The following KAZN variants were observed in gnomAD, a reference collection of about 807,000 sequenced individuals.
KAZN encodes kazrin.
In KAZN, 40 loss-of-function variants were observed where a neutral mutation model predicts 87.4. The observed-to-expected ratio is 0.46, with a 90% CI of 0.36 to 0.60. The LOEUF is 0.60. Ranked by LOEUF, KAZN falls within the 20% of genes least tolerant of loss-of-function variation. KAZN has a pLI of 0.00. For missense variants in KAZN, 898 were observed against 1,073.9 expected (o/e 0.84, Z 2.29); for synonymous variants, 466 against 458.3 (o/e 1.02, Z -0.22).
intron 1 of KAZN, among the ~76,000 whole-genome samples, chr1:14,032,704 A>G (rs571155455): frequency 6.6e-6 from 1 of 152,254 alleles, no homozygotes; most frequent in South Asian, 2.1e-4. Context: ...TGGACTGTCA[A>G]TGCCTTCAAG....
At chr1:14,641,604 C>T (rs1174414892) in intron 1 of KAZN, among the ~76,000 whole-genome samples, 1 of 152,148 alleles carries the variant, frequency 6.6e-6, no homozygotes, top group African/African-American at 2.4e-5. Context: ...ATGGAAGAGA[C>T]TAGAAGAAGC....
intron 1 of KAZN, among the ~76,000 whole-genome samples, chr1:14,722,951 T>C (rs556718872): frequency 6.6e-4 from 100 of 152,132 alleles, no homozygotes; most frequent in African/African-American, 2.4e-3. Flanking sequence ...TGAGACCTCA[T>C]CTCTACAAAA....
chr1:13,932,257 CA>C (rs1640546195), intron 1 of KAZN, among the ~76,000 whole-genome samples: 1 of 71,206 alleles, frequency 1.4e-5, no homozygotes, highest in African/African-American at 5.3e-5. Context: ...GCTTATTAAA[CA>C]TTTTTTTTTT....
At chr1:14,461,426 G>C (rs1053985321) in intron 2 of KAZN, among the ~76,000 whole-genome samples, 3 of 152,144 alleles carry the variant, frequency 2.0e-5, no homozygotes, top group Admixed American at 1.3e-4. Context: ...CTCTCATTCT[G>C]TCTTGTCTGC....
At chr1:14,004,353 A>C (rs1295960660) in intron 1 of KAZN, among the ~76,000 whole-genome samples, 1 of 152,220 alleles carries the variant, frequency 6.6e-6, no homozygotes, top group Non-Finnish European at 1.5e-5. Context: ...TATAGACATA[A>C]CCATCTGAAA....
At chr1:14,622,790 A>C (rs186658188) in intron 1 of KAZN, among the ~76,000 whole-genome samples, 1 of 152,034 alleles carries the variant, frequency 6.6e-6, no homozygotes, top group African/African-American at 2.4e-5. Flanking sequence ...CTTCATTCTG[A>C]TTCTTTTATT....
chr1:14,113,881 G>A (rs1326327917), intron 1 of KAZN, among the ~76,000 whole-genome samples: 1 of 152,220 alleles, frequency 6.6e-6, no homozygotes, highest in African/African-American at 2.4e-5. Context: ...GACGCCAGTG[G>A]GGCATCTACT....
chr1:14,489,210 A>G (rs1200668047), intron 2 of KAZN, among the ~76,000 whole-genome samples: 1 of 152,224 alleles, frequency 6.6e-6, no homozygotes, highest in Non-Finnish European at 1.5e-5. Flanking sequence ...TATGACAAAA[A>G]TAATAACTAA....
At chr1:14,741,664 G>C (rs1450950875) in intron 1 of KAZN, among the ~76,000 whole-genome samples, 2 of 152,140 alleles carry the variant, frequency 1.3e-5, no homozygotes, top group African/African-American at 4.8e-5. Flanking sequence ...AGGGAGAAGG[G>C]GCACTTCCCC....
intron 10 of KAZN, among the ~76,000 whole-genome samples, chr1:15,098,837 G>A (rs1573300705): frequency 6.6e-6 from 1 of 152,214 alleles, no homozygotes; most frequent in Admixed American, 6.5e-5. Context: ...CCACACATTC[G>A]ACTATGAGAC....
At chr1:14,628,842 CTTTTTTTTT>C (rs67908811) in intron 1 of KAZN, among the ~76,000 whole-genome samples, 2 of 126,838 alleles carry the variant, frequency 1.6e-5, no homozygotes, top group African/African-American at 3.0e-5. Context: ...CTTTCACATT[CTTTTTTTTT>C]TTTTTTTTTT....
intron 1 of KAZN, among the ~76,000 whole-genome samples, chr1:14,932,253 G>T (rs143126440): frequency 1.5e-4 from 22 of 143,226 alleles, no homozygotes; most frequent in African/African-American, 5.5e-4. Context: ...CACCCTCCCC[G>T]CCCCGTCCCC....
At chr1:13,895,478 G>A (rs1639002565) in intron 1 of KAZN, among the ~76,000 whole-genome samples, 1 of 152,032 alleles carries the variant, frequency 6.6e-6, no homozygotes. Context: ...CATCCTTTAT[G>A]TCAAGAGAGC....
At chr1:14,472,437 C>T (rs541156927) in intron 2 of KAZN, among the ~76,000 whole-genome samples, 1 of 152,126 alleles carries the variant, frequency 6.6e-6, no homozygotes, top group African/African-American at 2.4e-5. Flanking sequence ...CATCTTATGA[C>T]AATGCCATAT....
chr1:14,101,039 A>G (rs1321381039), intron 1 of KAZN, among the ~76,000 whole-genome samples: 3 of 152,288 alleles, frequency 2.0e-5, no homozygotes, highest in Middle Eastern at 6.8e-3. Flanking sequence ...GCCACATGGA[A>G]CTGTGAGTTC....
chr1:14,064,802 G>A lies in KAZN; in HGVS notation c.92-115633G>A, dbSNP rs558147737. ...CTGTGCTTCTCCCTCCCCGCTGCTC[G>A]GTGGTGGAGTTTGGGAAGTGGACAT... is the stretch of plus-strand genomic sequence containing the variant. On this transcript the variant is annotated intron_variant, in intron 1 of 16. Transcript: ENST00000636203. 7.2e-5 allele frequency among the ~76,000 whole-genome samples: 11 copies of A among 152,302 alleles called. 2 individuals are homozygous for A. Among genetic ancestry groups the A allele is most frequent in the South Asian group, 4.1e-4 (2 of 4,822 alleles).
At chr1:13,976,688 C>A (rs1034226666) in intron 1 of KAZN, among the ~76,000 whole-genome samples, 6 of 151,930 alleles carry the variant, frequency 3.9e-5, no homozygotes, top group Non-Finnish European at 8.8e-5. Flanking sequence ...TTATGACTCA[C>A]GCTATTACAG....
chr1:14,295,757 T>C (rs1344211039), intron 2 of KAZN, among the ~76,000 whole-genome samples: 1 of 152,180 alleles, frequency 6.6e-6, no homozygotes, highest in East Asian at 1.9e-4. Flanking sequence ...TTCTCAGGGA[T>C]TCCTTCCTGA....
At chr1:14,924,569 C>T (rs1157013866) in intron 1 of KAZN, 1 of 1,012,478 alleles carries the variant, frequency 9.9e-7, no homozygotes. Flanking sequence ...CTGCAGCCAG[C>T]CCGGTAGGTG....
Sources: gnomAD v4.1 joint callset for allele counts (sites outside exome capture counted in the v4.1 genomes callset) on GRCh38, gnomAD v4.1.1 for gene constraint, MANE v1.5 for transcripts, NCBI Gene and HGNC (gene_info 2026-07-23, HGNC 2026-07-21) for gene names.